Variants in SGSM2 observed in about 807,000 individuals in gnomAD.
SGSM2 encodes the protein RUN and TBC1 domain containing 1.
A neutral mutation model predicts 126.6 loss-of-function variants in SGSM2; 89 were observed. That is an observed-to-expected ratio of 0.70 (90% confidence interval 0.59 to 0.84). SGSM2 has a LOEUF of 0.84. Ranked by LOEUF, SGSM2 falls within the 40% of genes least tolerant of loss-of-function variation. The pLI is 0.00. For synonymous variants in SGSM2, 614 were observed against 574.3 expected, an observed-to-expected ratio of 1.07 and a Z score of -0.99; for missense variants, 1,404 against 1,416.6, an observed-to-expected ratio of 0.99 and a Z score of 0.14.
intron 19 of SGSM2, 79 bp downstream of exon 19, chr17:2,376,340 GCCCTGCT>G: frequency 1.3e-6 from 2 of 1,575,990 alleles, no homozygotes; most frequent in Non-Finnish European, 1.7e-6. Flanking sequence ...TCCGGAAGGT[GCCCTGCT>G]CCTCTCTCCT....
chr17:2,368,721 C>T (rs899151619), intron 12 of SGSM2, among the ~76,000 whole-genome samples: 1 of 144,988 alleles, frequency 6.9e-6, no homozygotes, highest in Non-Finnish European at 1.5e-5. Context: ...GAACATCCTA[C>T]TTCTGATGTT....
Position 2,367,474 on chromosome 17 carries a change from C to T in SGSM2, c.1423+69C>T, listed in dbSNP as rs942258930. The T allele has an allele frequency of 2.0e-5, 31 of 1,555,582 alleles. No individual in the cohort carries two copies. Among genetic ancestry groups the T allele is most frequent in the Non-Finnish European group, 2.4e-5 (28 of 1,143,070 alleles). ...CCCTCCCGGGCCCGCCTGCCACCCA[C>T]CACAGGGGTTCGAACGGCAGTGTTG... is the stretch of plus-strand genomic sequence containing the variant. On this transcript the variant is annotated intron_variant, in intron 12 of 23. Transcript: ENST00000268989. The surrounding 1 kb of genome is among the most constrained non-coding windows in gnomAD (Gnocchi z 4.0).
At position 2,379,023 on chromosome 17, in the gene SGSM2, T is replaced by A; in HGVS notation, c.2900-13T>A. ...GCTAGGACGGGTGAGCAGCAGCCGC[T>A]TACTCTCCGCAGAACTGCTGTATGA... On this transcript the variant is annotated splice_polypyrimidine_tract_variant and intron_variant, in intron 22 of 23. Transcript: ENST00000268989. 1.2e-6 allele frequency: 2 copies of A among 1,610,886 alleles called. No individual in the cohort carries two copies. The highest frequency in any genetic ancestry group is 1.7e-6 in the Non-Finnish European group (2 of 1,177,716).
chr17:2,364,269 C>T lies in SGSM2; in HGVS notation c.932+86C>T. On this transcript the variant is annotated intron_variant, in intron 8 of 23. Coordinates refer to ENST00000268989, the MANE Select transcript of SGSM2 (RefSeq NM_014853.3). Reference sequence around the variant, plus strand: ...GAGGGATGGAGAAACCCCGCTTGCTCCAGGAGGCCAACCTCACTCTTTATT... The same window carrying T: ...GAGGGATGGAGAAACCCCGCTTGCTTCAGGAGGCCAACCTCACTCTTTATT... 3 of 1,537,958 alleles carry T rather than the reference C, an allele frequency of 2.0e-6. No homozygotes were observed. In the South Asian group the frequency reaches 3.4e-5, roughly 18 times the overall value.
At chr17:2,375,318 C>G in intron 17 of SGSM2, 174 bp from the exon 18 acceptor site, 1 of 738,816 alleles carries the variant, frequency 1.4e-6, no homozygotes, top group African/African-American at 1.8e-5. Context: ...TTCTCTCCGC[C>G]TGGCTGGCTG....
chr17:2,363,518 T>C lies in SGSM2; in HGVS notation c.726T>C (p.Cys242=), dbSNP rs2003968. 767,348 of 1,612,574 alleles carry C rather than the reference T, an allele frequency of 0.48. 187,510 individuals carry two copies. Among genetic ancestry groups the C allele is most frequent in the East Asian group, 0.78 (34,944 of 44,846 alleles). Reference sequence around the variant, plus strand: ...CGTCGGAGGACAGGCTGGCTGCCTGTGCCCGCGAGTGTGTGGAGTCCCTGC... The same window carrying C: ...CGTCGGAGGACAGGCTGGCTGCCTGCGCCCGCGAGTGTGTGGAGTCCCTGC... ...GSASEDRLAA[C]ARECVESLHQ... The change falls in exon 7 of 24, where the codon TGT becomes TGC. Residue 242 remains cysteine, a synonymous_variant. Coordinates refer to ENST00000268989, the MANE Select transcript of SGSM2 (RefSeq NM_014853.3). This position sits in a 1 kb window ranked among gnomAD's most constrained non-coding sequence, Gnocchi z 4.2.
rs372603202 is a variant in SGSM2 at position 2,375,890 on chromosome 17, C to T, written c.2484+15C>T. 6.0e-6 allele frequency: 9 copies of T among 1,509,886 alleles called. No homozygotes were observed. In the African/African-American group the frequency reaches 1.3e-4, roughly 21 times the overall value. 93.5% of individuals were successfully genotyped at this position (1,509,886 alleles called of 1,614,324 possible). ...CTGCCTACACTGTGCGTACATGCTC[C>T]CCAGGCTGTTCCCAGCCGCCCCAGA... On this transcript the variant is annotated intron_variant, in intron 18 of 23. Transcript: ENST00000268989.
intron 1 of SGSM2, among the ~76,000 whole-genome samples, chr17:2,342,725 C>T (rs1345704716): frequency 7.3e-6 from 1 of 137,928 alleles, no homozygotes; most frequent in Non-Finnish European, 1.6e-5. Flanking sequence ...CGCCTGTAAT[C>T]CCAGCACTTT....
In SGSM2 at chr17:2,363,922, GC is replaced by G. The variant is rs2065437119; in HGVS notation, c.808-133del. 1.9e-6 allele frequency: 2 copies of G among 1,044,140 alleles called. No homozygotes were observed. The highest frequency in any genetic ancestry group is 3.1e-5 in the African/African-American group (2 of 63,532). 64.7% of individuals were successfully genotyped at this position (1,044,140 alleles called of 1,614,324 possible). A position where few individuals can be genotyped will look rare whatever the true frequency, so the allele number is the denominator to read the frequency against. Reference sequence around the variant, plus strand: ...CTGAGTCCTGTTTTCCTGTGCTTCTGCCCCGTCCCTAGTCCAGGACCCCGTG... The same window carrying G: ...CTGAGTCCTGTTTTCCTGTGCTTCTGCCCGTCCCTAGTCCAGGACCCCGTG... On this transcript the variant is annotated intron_variant, in intron 7 of 23. Coordinates refer to ENST00000268989, the MANE Select transcript of SGSM2 (RefSeq NM_014853.3). The surrounding 1 kb of genome is among the most constrained non-coding windows in gnomAD (Gnocchi z 4.2).
chr17:2,362,337 C>T lies in SGSM2; in HGVS notation c.458+67C>T, dbSNP rs2065348896. 1.7e-5 allele frequency: 26 copies of T among 1,512,930 alleles called. No individual in the cohort carries two copies. The highest frequency in any genetic ancestry group is 2.3e-5 in the Non-Finnish European group (26 of 1,126,296). The allele number at this position is 1,512,930 out of a possible 1,614,324, so 93.7% of individuals were successfully genotyped here. A position where few individuals can be genotyped will look rare whatever the true frequency, so the allele number is the denominator to read the frequency against. On this transcript the variant is annotated intron_variant, in intron 4 of 23. Coordinates refer to ENST00000268989, the MANE Select transcript of SGSM2 (RefSeq NM_014853.3). This position sits in a 1 kb window ranked among gnomAD's most constrained non-coding sequence, Gnocchi z 4.9. ...TTCCCCCCAAAACTGCAGGTGACCG[C>T]CCCGTTCCCCAAAAACTGCAGGTGA...
intron 2 of SGSM2, among the ~76,000 whole-genome samples, chr17:2,358,336 T>C (rs905621022): frequency 6.6e-6 from 1 of 152,188 alleles, no homozygotes; most frequent in Non-Finnish European, 1.5e-5. Flanking sequence ...GAGTGTGGTA[T>C]TCACTAGATG....
At chr17:2,359,722 G>T (rs1368373371) in intron 2 of SGSM2, among the ~76,000 whole-genome samples, 1 of 152,132 alleles carries the variant, frequency 6.6e-6, no homozygotes, top group African/African-American at 2.4e-5. Context: ...CTGCTTTTGC[G>T]GTCGCCTAGG....
chr17:2,374,298 TG>T (rs2066022611), intron 17 of SGSM2: 1 of 152,252 alleles, frequency 6.6e-6, no homozygotes, highest in Non-Finnish European at 1.5e-5. Context: ...TATAACTGGC[TG>T]GGTGTGATGG....
intron 11 of SGSM2, among the ~76,000 whole-genome samples, chr17:2,365,597 C>T (rs1327236166): frequency 6.6e-6 from 1 of 152,208 alleles, no homozygotes; most frequent in Non-Finnish European, 1.5e-5. Flanking sequence ...GGCGTCACTA[C>T]ACAAGACTCT....
In SGSM2 at chr17:2,362,880, C is replaced by A; in HGVS notation, c.501C>A (p.Phe167Leu). Residue 167 changes from phenylalanine (F) to leucine (L), a missense_variant, in exon 5 of 24, where the codon TTC (phenylalanine) becomes TTA (leucine). Coordinates refer to ENST00000268989, the MANE Select transcript of SGSM2 (RefSeq NM_014853.3). The surrounding 1 kb of genome is among the most constrained non-coding windows in gnomAD (Gnocchi z 4.9). ...AGGCACTGCTGGCAGACCCTGTGTTCGGCCCGATCCTGGCCTCTCTTCTAG... is the reference window on the plus strand; with the variant it reads ...AGGCACTGCTGGCAGACCCTGTGTTAGGCCCGATCCTGGCCTCTCTTCTAG... ...EKEALLADPV[F>L]GPILASLLVG... 6.2e-7 allele frequency: 1 copy of A among 1,614,166 alleles called. No individual in the cohort carries two copies. Among genetic ancestry groups the A allele is most frequent in the South Asian group, 1.1e-5 (1 of 91,072 alleles).
At chr17:2,345,323 G>T (rs903088735) in intron 2 of SGSM2, among the ~76,000 whole-genome samples, 1 of 151,708 alleles carries the variant, frequency 6.6e-6, no homozygotes, top group African/African-American at 2.4e-5. Flanking sequence ...TTAGCAGGGC[G>T]TGGTGGCGGG....
At position 2,367,538 on chromosome 17, in the gene SGSM2, C is replaced by A; in HGVS notation, c.1423+133C>A. 2.0e-6 allele frequency: 2 copies of A among 1,025,600 alleles called. No homozygotes were observed. Among genetic ancestry groups the A allele is most frequent in the Non-Finnish European group, 2.8e-6 (2 of 709,942 alleles). 63.5% of individuals were successfully genotyped at this position (1,025,600 alleles called of 1,614,324 possible). Reference sequence around the variant, plus strand: ...TGCACCCAGGGCAGTTCCCTTCCATCGGGGGCAGATCAGGGAGGGCAGAAG... The same window carrying A: ...TGCACCCAGGGCAGTTCCCTTCCATAGGGGGCAGATCAGGGAGGGCAGAAG... On this transcript the variant is annotated intron_variant, in intron 12 of 23. Coordinates refer to ENST00000268989, the MANE Select transcript of SGSM2 (RefSeq NM_014853.3). The surrounding 1 kb of genome is among the most constrained non-coding windows in gnomAD (Gnocchi z 4.0).
At chr17:2,349,196 C>T (rs80287354) in intron 2 of SGSM2, among the ~76,000 whole-genome samples, 7,012 of 151,848 alleles carry the variant, frequency 0.046, 638 homozygotes, top group East Asian at 0.44. Context: ...GCCAAAATGG[C>T]GAAGCCCCAT....
At chr17:2,342,948 G>C (rs548295424) in intron 1 of SGSM2, among the ~76,000 whole-genome samples, 6 of 152,320 alleles carry the variant, frequency 3.9e-5, no homozygotes, top group African/African-American at 1.4e-4. Flanking sequence ...CTGTACTCCA[G>C]CCTGGGCAAC....
Sources: gnomAD v4.1 joint callset for allele counts (sites outside exome capture counted in the v4.1 genomes callset) on GRCh38, gnomAD v4.1.1 for gene constraint, Gnocchi (gnomAD v3.1) non-coding constraint, MANE v1.5 for transcripts, NCBI Gene and HGNC (gene_info 2026-07-23, HGNC 2026-07-21) for gene names.